Variants in NCAM1 observed in about 807,000 individuals in gnomAD.
NCAM1 encodes antigen recognized by monoclonal antibody 5.1H11.
NCAM1 carries 14 observed loss-of-function variants against 109.8 expected under a neutral mutation model. The observed-to-expected ratio is 0.13, with a 90% CI of 0.08 to 0.20. NCAM1 has a LOEUF of 0.20. Ranked by LOEUF, NCAM1 falls within the 10% of genes least tolerant of loss-of-function variation. The pLI is 1.00. For synonymous variants in NCAM1, 418 were observed against 442.9 expected (o/e 0.94, Z 0.70); for missense variants, 774 against 1,109.9 (o/e 0.70, Z 4.30).
intron 5 of NCAM1, 142 bp downstream of exon 5, chr11:113,206,322 C>T (rs965276257): frequency 7.5e-5 from 59 of 786,500 alleles, no homozygotes; most frequent in Non-Finnish European, 6.5e-5. Flanking sequence ...CCCTCCCCAC[C>T]GTAACATCTA....
chr11:113,064,112 T>G (rs1186345276), intron 1 of NCAM1, among the ~76,000 whole-genome samples: 2 of 152,246 alleles, frequency 1.3e-5, no homozygotes, highest in Admixed American at 6.5e-5. Flanking sequence ...CTATGGGAAG[T>G]CTGACTTCCT....
At chr11:113,189,463 A>G (rs559953322) in intron 1 of NCAM1, among the ~76,000 whole-genome samples, 457 of 150,578 alleles carry the variant, frequency 3.0e-3, no homozygotes, top group African/African-American at 6.7e-3. Flanking sequence ...AAAAAAAAAA[A>G]AAAAGAAAAG....
intron 1 of NCAM1, among the ~76,000 whole-genome samples, chr11:113,009,312 GTTTT>G (rs781818836): frequency 5.0e-5 from 4 of 79,656 alleles, no homozygotes; most frequent in Non-Finnish European, 7.1e-5. Context: ...GTTTTTTCGG[GTTTT>G]TTTTTTTTTT....
chr11:113,026,998 A>C (rs782231150), intron 1 of NCAM1, among the ~76,000 whole-genome samples: 7 of 152,214 alleles, frequency 4.6e-5, no homozygotes, highest in Non-Finnish European at 8.8e-5. Context: ...TTGAATGCTA[A>C]GTGCTGCTAA....
At chr11:113,235,769 C>G (rs958736802) in intron 14 of NCAM1, among the ~76,000 whole-genome samples, 2 of 152,216 alleles carry the variant, frequency 1.3e-5, no homozygotes, top group South Asian at 2.1e-4. Flanking sequence ...TTGCTTCCCC[C>G]TGATTCCACT....
intron 7 of NCAM1, among the ~76,000 whole-genome samples, chr11:113,208,761 T>C (rs1465527231): frequency 6.6e-6 from 1 of 152,168 alleles, no homozygotes; most frequent in African/African-American, 2.4e-5. Flanking sequence ...GGATTGTCTG[T>C]CTCCTACCTC....
At chr11:113,185,989 G>A (rs2196456) in intron 1 of NCAM1, among the ~76,000 whole-genome samples, 127,570 of 152,252 alleles carry the variant, frequency 0.84, 53,879 homozygotes, top group African/African-American at 0.94. Context: ...TGCATTTGGG[G>A]ACCATTAGAC....
chr11:113,180,974 G>A (rs541511153), intron 1 of NCAM1, among the ~76,000 whole-genome samples: 37 of 152,308 alleles, frequency 2.4e-4, no homozygotes, highest in East Asian at 7.7e-4. Flanking sequence ...GGAGTCTTGC[G>A]TCTGGGATGA....
At chr11:113,223,404 A>G (rs1179180574) in intron 9 of NCAM1, among the ~76,000 whole-genome samples, 2 of 152,210 alleles carry the variant, frequency 1.3e-5, no homozygotes, top group Non-Finnish European at 2.9e-5. Flanking sequence ...ATCATTAAAC[A>G]GGAGAAATTT....
chr11:113,273,691 C>T lies in NCAM1; in HGVS notation c.2457-1576C>T, dbSNP rs1555125990. ...GCCGCTGGGGCCAGTGGACAAGCCC[C>T]TGAGCTTGCTCCTTCCACTGCAGAC... On this transcript the variant is annotated intron_variant, in intron 19 of 19. Coordinates refer to ENST00000316851, the MANE Select transcript of NCAM1 (RefSeq NM_181351.5). The surrounding 1 kb of genome is among the most constrained non-coding windows in gnomAD (Gnocchi z 6.0). 1 of 455,934 alleles carries T rather than the reference C, an allele frequency of 2.2e-6. No homozygotes were observed. Among genetic ancestry groups the T allele is most frequent in the African/African-American group, 2.0e-5 (1 of 50,186 alleles). 28.2% of individuals were successfully genotyped at this position (455,934 alleles called of 1,614,324 possible).
At chr11:113,102,368 G>A (rs1939913544) in intron 1 of NCAM1, among the ~76,000 whole-genome samples, 1 of 152,174 alleles carries the variant, frequency 6.6e-6, no homozygotes, top group African/African-American at 2.4e-5. Context: ...AGCTACAAAG[G>A]CAGTTGACCA....
chr11:113,146,063 G>C (rs1555101270), intron 1 of NCAM1, among the ~76,000 whole-genome samples: 1 of 152,154 alleles, frequency 6.6e-6, no homozygotes, highest in Non-Finnish European at 1.5e-5. Context: ...GTGAAAAATA[G>C]GTTATTAGTT....
rs369515065 is a variant in NCAM1 at position 113,234,919 on chromosome 11, G to A, written c.1694-114G>A. On this transcript the variant is annotated intron_variant, in intron 13 of 19. Transcript: ENST00000316851. ...GCATATGCCCAGAAATAGAATTGCT[G>A]GACCAAATGATAAATCTACAGTTAA... 5 of 1,337,080 alleles carry A rather than the reference G, an allele frequency of 3.7e-6. No homozygotes were observed. In the African/African-American group the frequency reaches 5.9e-5, roughly 16 times the overall value. The allele number at this position is 1,337,080 out of a possible 1,614,324, so 82.8% of individuals were successfully genotyped here.
At chr11:113,132,614 G>T (rs1251996125) in intron 1 of NCAM1, among the ~76,000 whole-genome samples, 1 of 47,392 alleles carries the variant, frequency 2.1e-5, no homozygotes, top group Non-Finnish European at 6.7e-5. Flanking sequence ...ATGTGTGTGT[G>T]TGTGTGTGTG....
rs545608103 is a variant in NCAM1, at chr11:112,962,986, C to T, written c.52+1322C>T. On this transcript the variant is annotated intron_variant, in intron 1 of 19. Coordinates refer to ENST00000316851, the MANE Select transcript of NCAM1 (RefSeq NM_181351.5). The surrounding 1 kb of genome is among the most constrained non-coding windows in gnomAD (Gnocchi z 5.6). ...ACGGCCGACCCCCGGTTGGGGAGCG[C>T]ACGGGGCGGGCCAGGGAGCACCCAG... Among the ~76,000 whole-genome samples, 1 of 152,086 alleles carries T rather than the reference C, an allele frequency of 6.6e-6. No homozygotes were observed. The highest frequency in any genetic ancestry group is 2.4e-5 in the African/African-American group (1 of 41,452).
chr11:113,271,613 G>A (rs1230634680), intron 18 of NCAM1, 147 bp from the exon 19 acceptor site: 1 of 560,262 alleles, frequency 1.8e-6, no homozygotes, highest in African/African-American at 1.9e-5. Context: ...CACACAGCTA[G>A]CAAGGGTTGG....
Position 112,970,336 on chromosome 11 carries a change from G to A in NCAM1, c.52+8672G>A, listed in dbSNP as rs193048506. On this transcript the variant is annotated intron_variant, in intron 1 of 19. Coordinates refer to ENST00000316851, the MANE Select transcript of NCAM1 (RefSeq NM_181351.5). ...TATAGTTCATTGCAGCACTAAAAGGGAATTCTGGTTTTATATAGCATCCAC... is the reference window on the plus strand; with the variant it reads ...TATAGTTCATTGCAGCACTAAAAGGAAATTCTGGTTTTATATAGCATCCAC... 2.4e-4 allele frequency among the ~76,000 whole-genome samples: 36 copies of A among 152,252 alleles called. No homozygotes were observed. In the East Asian group the frequency reaches 5.0e-3, roughly 21 times the overall value.
intron 1 of NCAM1, among the ~76,000 whole-genome samples, chr11:113,110,376 A>T (rs1206509066): frequency 2.6e-5 from 4 of 152,182 alleles, no homozygotes; most frequent in Non-Finnish European, 5.9e-5. Context: ...ATGAACATCT[A>T]TGATTGCTTG....
At chr11:113,055,883 T>G (rs1953678730) in intron 1 of NCAM1, among the ~76,000 whole-genome samples, 1 of 150,456 alleles carries the variant, frequency 6.6e-6, no homozygotes, top group Admixed American at 6.6e-5. Flanking sequence ...AAAGAGGTAC[T>G]TGCACTTCTA....
Sources: allele counts gnomAD v4.1 joint callset (sites outside exome capture counted in the v4.1 genomes callset), GRCh38; gene constraint gnomAD v4.1.1; non-coding constraint Gnocchi (gnomAD v3.1); transcripts MANE v1.5; gene names NCBI Gene and HGNC (gene_info 2026-07-23, HGNC 2026-07-21).